The following UPP2 variants were observed in gnomAD, a reference collection of about 807,000 sequenced individuals.
UPP2 encodes the protein uridine phosphorylase 2.
In UPP2, 23 loss-of-function variants were observed where a neutral mutation model predicts 26.7. That is an observed-to-expected ratio of 0.86 (90% CI 0.62 to 1.22). The LOEUF (loss-of-function observed/expected upper bound fraction) is 1.22. Among genes scored for constraint, UPP2 ranks in the 50% most tolerant of loss-of-function variants. UPP2 has a pLI of 0.00. For missense variants in UPP2, 387 were observed against 396.7 expected (o/e 0.98, Z 0.21); for synonymous variants, 127 against 141.3 (o/e 0.90, Z 0.72).
intron 6 of UPP2, among the ~76,000 whole-genome samples, chr2:158,131,746 C>T (rs1260372630): frequency 6.6e-6 from 1 of 152,216 alleles, no homozygotes; most frequent in African/African-American, 2.4e-5. Flanking sequence ...GAGGATTTTG[C>T]TAGCAAAGCT....
intron 5 of UPP2, 84 bp from the exon 6 acceptor site, chr2:158,123,665 C>A: frequency 6.6e-7 from 1 of 1,519,094 alleles, no homozygotes; most frequent in Non-Finnish European, 8.9e-7. Flanking sequence ...CGGCAGCGTG[C>A]TCCAGCCAAC....
intron 6 of UPP2, among the ~76,000 whole-genome samples, chr2:158,134,504 T>A (rs1287621431): frequency 1.3e-5 from 2 of 152,190 alleles, no homozygotes; most frequent in Non-Finnish European, 2.9e-5. Flanking sequence ...TAGTCAATTG[T>A]GGAGGAAAAG....
chr2:158,095,610 C>A (rs747532436), intron 3 of UPP2, among the ~76,000 whole-genome samples: 23 of 152,166 alleles, frequency 1.5e-4, no homozygotes, highest in Non-Finnish European at 1.8e-4. Flanking sequence ...GGATCTCAGG[C>A]ATTTGATTTA....
chr2:158,092,805 T>C (rs1017765731), intron 3 of UPP2, among the ~76,000 whole-genome samples: 1 of 152,232 alleles, frequency 6.6e-6, no homozygotes. Flanking sequence ...CAGAAGAGTA[T>C]AGGTATTAAT....
intron 6 of UPP2, among the ~76,000 whole-genome samples, chr2:158,130,521 G>A (rs1349934790): frequency 2.0e-5 from 3 of 152,012 alleles, no homozygotes; most frequent in African/African-American, 4.8e-5. Flanking sequence ...AACATTTGCG[G>A]TTTGTCACAA....
intron 2 of UPP2, among the ~76,000 whole-genome samples, chr2:157,997,467 T>G (rs956625186): frequency 2.0e-5 from 3 of 152,200 alleles, no homozygotes; most frequent in African/African-American, 7.2e-5. Context: ...GAAATAGCTA[T>G]TTTTAAATTG....
At chr2:158,063,950 T>A (rs1682394472) in intron 3 of UPP2, among the ~76,000 whole-genome samples, 1 of 152,256 alleles carries the variant, frequency 6.6e-6, no homozygotes, top group Admixed American at 6.5e-5. Flanking sequence ...GGCTGCATAG[T>A]ATTCCATGGT....
intron 3 of UPP2, among the ~76,000 whole-genome samples, chr2:158,070,389 C>T (rs1242687218): frequency 6.6e-6 from 1 of 152,192 alleles, no homozygotes; most frequent in African/African-American, 2.4e-5. Flanking sequence ...TATCTATGTA[C>T]AGGTCTCTTG....
chr2:158,127,332 G>C (rs13010795), intron 6 of UPP2, among the ~76,000 whole-genome samples: 4,900 of 152,184 alleles, frequency 0.032, 150 homozygotes, highest in East Asian at 0.14. Context: ...GTGCATAAAG[G>C]CATATATTGA....
At chr2:157,999,467 C>T (rs1683372784) in intron 2 of UPP2, among the ~76,000 whole-genome samples, 1 of 152,142 alleles carries the variant, frequency 6.6e-6, no homozygotes, top group African/African-American at 2.4e-5. Context: ...TGTGAGACAC[C>T]TCACCCAGCC....
chr2:158,128,380 T>C (rs1324112670), intron 6 of UPP2, among the ~76,000 whole-genome samples: 6 of 152,198 alleles, frequency 3.9e-5, no homozygotes, highest in Non-Finnish European at 7.3e-5. Flanking sequence ...ATGAGGATCA[T>C]TGATAAAGGT....
chr2:158,081,109 T>A (rs1682716882), intron 3 of UPP2, among the ~76,000 whole-genome samples: 2 of 152,130 alleles, frequency 1.3e-5, no homozygotes, highest in Non-Finnish European at 2.9e-5. Context: ...AAATAAAGAA[T>A]GGATACAGTC....
chr2:158,082,959 T>G (rs1682751443), intron 3 of UPP2, among the ~76,000 whole-genome samples: 1 of 151,898 alleles, frequency 6.6e-6, no homozygotes, highest in African/African-American at 2.4e-5. Flanking sequence ...GAAAGAAAGC[T>G]CATCATCACT....
At chr2:158,111,439 T>C (rs12466382) in intron 2 of UPP2, among the ~76,000 whole-genome samples, 84,653 of 151,866 alleles carry the variant, frequency 0.56, 24,066 homozygotes, top group African/African-American at 0.62. Context: ...GTCTATATTT[T>C]TCCATTCTTT....
At chr2:158,085,086 TG>T (rs1172267368) in intron 3 of UPP2, among the ~76,000 whole-genome samples, 3 of 152,066 alleles carry the variant, frequency 2.0e-5, no homozygotes, top group African/African-American at 7.2e-5. Flanking sequence ...TTTTGGCAGT[TG>T]GTTATTTTTA....
intron 3 of UPP2, among the ~76,000 whole-genome samples, chr2:158,075,688 C>T (rs1464995139): frequency 1.3e-5 from 2 of 151,732 alleles, no homozygotes; most frequent in Non-Finnish European, 2.9e-5. Context: ...ACAGTGAAAG[C>T]AGTATGAAGA....
At chr2:158,086,192 T>C (rs937046452) in intron 3 of UPP2, among the ~76,000 whole-genome samples, 5 of 152,154 alleles carry the variant, frequency 3.3e-5, no homozygotes, top group African/African-American at 1.2e-4. Flanking sequence ...ATTATTGTTC[T>C]GTTCAGAGTT....
intron 3 of UPP2, among the ~76,000 whole-genome samples, chr2:158,054,729 A>C (rs1213676310): frequency 1.3e-5 from 2 of 152,236 alleles, no homozygotes; most frequent in African/African-American, 4.8e-5. Context: ...TAAATAGTCA[A>C]TGACTTCTAC....
At chr2:158,113,581 A>G (rs938143028) in intron 2 of UPP2, among the ~76,000 whole-genome samples, 1 of 152,174 alleles carries the variant, frequency 6.6e-6, no homozygotes, top group African/African-American at 2.4e-5. Context: ...GGTTAATTAC[A>G]CCCCTAATTG....
Sources: allele counts gnomAD v4.1 joint callset (sites outside exome capture counted in the v4.1 genomes callset), GRCh38; gene constraint gnomAD v4.1.1; transcripts MANE v1.5; gene names NCBI Gene and HGNC (gene_info 2026-07-23, HGNC 2026-07-21).